The following TEP1 variants were observed in gnomAD, a reference collection of about 807,000 sequenced individuals.
The protein encoded by TEP1 is telomerase associated protein 1, also known as telomerase protein component 1.
Under a neutral mutation model 306.3 loss-of-function variants are expected in TEP1, and 241 were observed. The ratio of observed to expected loss-of-function variants is 0.79; its 90% confidence interval spans 0.71 to 0.88. TEP1 has a LOEUF of 0.88. Among genes scored for constraint, TEP1 ranks in the 40% least tolerant of loss-of-function variants. The pLI, the probability that TEP1 is intolerant of heterozygous loss-of-function variation, is 0.00. For synonymous variants in TEP1, 1,289 were observed against 1,305.5 expected (o/e 0.99, Z 0.27); for missense variants, 3,051 against 3,276.1 (o/e 0.93, Z 1.68).
Position 20,381,649 on chromosome 14 carries a change from G to A in TEP1, c.4462C>T (p.Arg1488Trp), listed in dbSNP as rs772264373. 22 of 1,612,728 alleles carry A rather than the reference G, an allele frequency of 1.4e-5. No individual in the cohort carries two copies. Among genetic ancestry groups the A allele is most frequent in the Non-Finnish European group, 1.4e-5 (16 of 1,179,548 alleles). Residue 1488 changes from arginine (R) to tryptophan (W), a missense_variant, in exon 31 of 55, where the codon CGG becomes TGG. Physicochemically the swap from Arg to Trp is moderately radical, Grantham distance 101. Around this residue, in one of 3 missense-constraint regions of TEP1, gnomAD observed 1,540 missense variants for 1,705.9 expected, o/e 0.90. Transcript: ENST00000262715. The surrounding 1 kb of genome is among the most constrained non-coding windows in gnomAD (Gnocchi z 4.0). Reference sequence around the variant, plus strand: ...AGGGGCCCATCAGGGAGGCACAGCCGGGCACCAGGGCGCTCCAGAGGGCCC... The same window carrying A: ...AGGGGCCCATCAGGGAGGCACAGCCAGGCACCAGGGCGCTCCAGAGGGCCC... ...GEGPLERPGA[R>W]LCLPDGPLRT...
intron 37 of TEP1, 43 bp downstream of exon 37, chr14:20,378,711 A>ATGGCTCAGGGCC: frequency 6.2e-7 from 1 of 1,604,268 alleles, no homozygotes; most frequent in Non-Finnish European, 8.5e-7. Context: ...AGGGTGAGTC[A>ATGGCTCAGGGCC]TGGCTCAGGG....
At chr14:20,374,689 C>T (rs1885068226) in intron 43 of TEP1, among the ~76,000 whole-genome samples, 153 bp from the exon 44 acceptor site, 1 of 152,196 alleles carries the variant, frequency 6.6e-6, no homozygotes, top group East Asian at 1.9e-4. Flanking sequence ...TTACTTTCTG[C>T]TTTGTGGTCT....
At chr14:20,394,468 C>T (rs1878010359) in intron 12 of TEP1, among the ~76,000 whole-genome samples, 1 of 140,650 alleles carries the variant, frequency 7.1e-6, no homozygotes, top group Admixed American at 7.3e-5. Context: ...GGACTGGCCC[C>T]TTGGGCTTTT....
intron 41 of TEP1, 65 bp downstream of exon 41, chr14:20,377,215 T>TAAAAA: frequency 1.8e-6 from 2 of 1,133,538 alleles, no homozygotes; most frequent in East Asian, 2.7e-5. Flanking sequence ...AGCTCTGTCT[T>TAAAAA]AAAAAAAAAA....
At position 20,383,252 on chromosome 14, in the gene TEP1, G is replaced by T. The variant is rs1876758304; in HGVS notation, c.3969C>A (p.Ala1323=). 6.2e-7 allele frequency: 1 copy of T among 1,613,976 alleles called. No homozygotes were observed. Among genetic ancestry groups the T allele is most frequent in the Non-Finnish European group, 8.5e-7 (1 of 1,179,942 alleles). Residue 1323 remains alanine, a synonymous_variant, in exon 27 of 55, where the codon GCC becomes GCA. Transcript: ENST00000262715. Reference sequence around the variant, plus strand: ...CTCTCACCAGCCGGGCCCGAGCAGAGGCCTCCAGAGGCCCCAAGGCCAGCA... The same window carrying T: ...CTCTCACCAGCCGGGCCCGAGCAGATGCCTCCAGAGGCCCCAAGGCCAGCA... ...AHVLALGPLE[A]SARARLVREE...
rs1008118082 is a variant in TEP1 at position 20,368,264 on chromosome 14, T to G, written c.*173A>C. 10 of 624,196 alleles carry G rather than the reference T, an allele frequency of 1.6e-5. No individual in the cohort carries two copies. The Admixed American group carries it at 3.1e-4, about 19-fold the overall frequency. 38.7% of individuals were successfully genotyped at this position (624,196 alleles called of 1,614,324 possible). On this transcript the variant is annotated 3_prime_UTR_variant, in exon 55 of 55. Transcript: ENST00000262715. ...ACATATACATACACATAGAATATCC[T>G]CCTGTTCTAAATCCACATGAGAACA...
At chr14:20,409,592 C>A (rs748502043) in intron 1 of TEP1, among the ~76,000 whole-genome samples, 1 of 152,216 alleles carries the variant, frequency 6.6e-6, no homozygotes, top group Non-Finnish European at 1.5e-5. Flanking sequence ...ATCCATTCCC[C>A]TTCCTTTGCC....
chr14:20,369,301 C>A, intron 53 of TEP1, 43 bp downstream of exon 53: 1 of 1,607,514 alleles, frequency 6.2e-7, no homozygotes, highest in South Asian at 1.1e-5. Context: ...AGCCACTGCT[C>A]CCAGCCCTCC....
intron 8 of TEP1, 122 bp downstream of exon 8, chr14:20,401,335 A>G (rs754075352): frequency 1.2e-4 from 168 of 1,438,478 alleles, no homozygotes; most frequent in Non-Finnish European, 1.5e-4. Flanking sequence ...AGTCATGTCT[A>G]CAGGGCATGT....
chr14:20,392,543 G>A (rs1877814316), intron 12 of TEP1, among the ~76,000 whole-genome samples: 1 of 152,180 alleles, frequency 6.6e-6, no homozygotes, highest in African/African-American at 2.4e-5. Context: ...TCCAGAATAT[G>A]GGATATTCTT....
chr14:20,381,219 G>A lies in TEP1; in HGVS notation c.4647+94C>T, dbSNP rs796763574. 2.1e-5 allele frequency: 28 copies of A among 1,348,398 alleles called. No homozygotes were observed. The highest frequency in any genetic ancestry group is 5.7e-5 in the African/African-American group (4 of 69,690). 83.5% of individuals were successfully genotyped at this position (1,348,398 alleles called of 1,614,324 possible). A position where few individuals can be genotyped will look rare whatever the true frequency, so the allele number is the denominator to read the frequency against. The stretch of plus-strand genomic sequence containing the variant: ...AAGGGAGTTTGGGAGGGGTAATGGC[G>A]GCGGTGATGGTGGAGATGGTAACGG... On this transcript the variant is annotated intron_variant, in intron 32 of 54. Transcript: ENST00000262715. The surrounding 1 kb of genome is among the most constrained non-coding windows in gnomAD (Gnocchi z 4.0).
chr14:20,385,055 G>A lies in TEP1; in HGVS notation c.3037C>T (p.Leu1013=). Residue 1013 remains leucine (L), a synonymous_variant, in exon 21 of 55, where the codon CTG becomes TTG. Transcript: ENST00000262715. The part of the protein sequence containing the change: ...SVTEMEVMQF[L]NRNQRLQPSA... ...GGCTGCAGACGTTGGTTCCGGTTCA[G>A]GAACTGCATCACCTCCATCTCTGTC... The A allele has an allele frequency of 6.2e-7, 1 of 1,614,176 alleles. No homozygotes were observed. Among genetic ancestry groups the A allele is most frequent in the Non-Finnish European group, 8.5e-7 (1 of 1,180,030 alleles).
chr14:20,390,678 C>T lies in TEP1; in HGVS notation c.2334+3G>A, dbSNP rs1317802234. 6.2e-7 allele frequency: 1 copy of T among 1,613,992 alleles called. No homozygotes were observed. Among genetic ancestry groups the T allele is most frequent in the Non-Finnish European group, 8.5e-7 (1 of 1,179,890 alleles). ...AGAGGGTTTCTCAGGGATTAATACT[C>T]ACAGGAACCCTTTGGCCAGCCAGAG... On this transcript the variant is annotated splice_donor_region_variant and intron_variant, in intron 15 of 54. Coordinates refer to ENST00000262715, the MANE Select transcript of TEP1 (RefSeq NM_007110.5).
chr14:20,383,728 T>C lies in TEP1; in HGVS notation c.3710+15A>G. ...GTGGGCATCAACAAGGCTGGGCTCA[T>C]TGGGGGATACCCACCGGTAGGTGCT... On this transcript the variant is annotated intron_variant, in intron 25 of 54. Coordinates refer to ENST00000262715, the MANE Select transcript of TEP1 (RefSeq NM_007110.5). 1 of 1,610,126 alleles carries C rather than the reference T, an allele frequency of 6.2e-7. No homozygotes were observed. The highest frequency in any genetic ancestry group is 1.1e-5 in the South Asian group (1 of 90,374).
chr14:20,402,491 G>A (rs954129101), intron 7 of TEP1, among the ~76,000 whole-genome samples: 1 of 152,132 alleles, frequency 6.6e-6, no homozygotes, highest in African/African-American at 2.4e-5. Context: ...AACGATGATG[G>A]TAGTGATAGC....
intron 19 of TEP1, 88 bp from the exon 20 acceptor site, chr14:20,386,283 C>T (rs960890077): frequency 6.2e-6 from 10 of 1,600,940 alleles, no homozygotes; most frequent in Non-Finnish European, 7.7e-6. Context: ...GGGGCCCTGA[C>T]TCGCAACTGA....
At position 20,372,769 on chromosome 14, in the gene TEP1, A is replaced by G. The variant is rs762811325; in HGVS notation, c.7040T>C (p.Val2347Ala). ...GGGTGCCGAACCCTTCCGCAGTTTC[A>G]CTTGCCACTCGCTGATTTTCTCATC... ...SADEKISEWQ[V>A]KLRKGSAPGN... Residue 2347 changes from valine to alanine, a missense_variant, in exon 49 of 55, where the codon GTG (valine) becomes GCG (alanine). Transcript: ENST00000262715. The G allele has an allele frequency of 6.2e-6, 10 of 1,613,942 alleles. No homozygotes were observed. In the South Asian group the frequency reaches 6.6e-5, roughly 11 times the overall value.
Position 20,384,096 on chromosome 14 carries a change from G to T in TEP1, c.3476C>A (p.Pro1159His), listed in dbSNP as rs145944940. The change falls in exon 24 of 55, where the codon CCC (proline) becomes CAC (histidine). Residue 1159 changes from proline to histidine, a missense_variant. This residue lies in a region of TEP1 where 1,507 missense variants were observed against 1,550.5 expected (regional missense o/e 0.97). Transcript: ENST00000262715. Reference sequence around the variant, plus strand: ...CGTCACCAGGCTCAGCCTTCCGTGGGGCAGCATCAGCCGTTGCACTGTGTC... The same window carrying T: ...CGTCACCAGGCTCAGCCTTCCGTGGTGCAGCATCAGCCGTTGCACTGTGTC... ...LQDTVQRLMLPHGRLSLVTGQ... is the reference protein window; with the variant it reads ...LQDTVQRLMLHHGRLSLVTGQ... 352 of 1,613,812 alleles carry T rather than the reference G, an allele frequency of 2.2e-4. No homozygotes were observed. In the Middle Eastern group the frequency reaches 3.0e-3, roughly 14 times the overall value.
In TEP1 at chr14:20,406,404, G is replaced by A. The variant is rs775110731; in HGVS notation, c.568-4C>T. On this transcript the variant is annotated splice_region_variant and splice_polypyrimidine_tract_variant and intron_variant, in intron 2 of 54. Transcript: ENST00000262715. The stretch of plus-strand genomic sequence containing the variant: ...CTTCTGAATCAAACCAACGACCCTG[G>A]GGTAGTAGTGGCAGTTATGAATCAC... 1 of 1,613,578 alleles carries A rather than the reference G, an allele frequency of 6.2e-7. No individual in the cohort carries two copies. Among genetic ancestry groups the A allele is most frequent in the African/African-American group, 1.3e-5 (1 of 75,012 alleles).
Sources: gnomAD v4.1 joint callset for allele counts (sites outside exome capture counted in the v4.1 genomes callset) on GRCh38, gnomAD v4.1.1 for gene constraint, gnomAD v4.1.1 regional missense constraint, Gnocchi (gnomAD v3.1) non-coding constraint, MANE v1.5 for transcripts, NCBI Gene and HGNC (gene_info 2026-07-23, HGNC 2026-07-21) for gene names.